The following PLCG2 variants were observed in gnomAD, a reference collection of about 807,000 sequenced individuals.
The protein encoded by PLCG2 is 1-phosphatidylinositol 4,5-bisphosphate phosphodiesterase gamma-2.
In PLCG2, 69 loss-of-function variants were observed where a neutral mutation model predicts 175.6. The observed-to-expected ratio is 0.39, with a 90% confidence interval of 0.32 to 0.48. The LOEUF (loss-of-function observed/expected upper bound fraction) is 0.48, where lower values mean the gene tolerates loss of function less well. Among genes scored for constraint, PLCG2 ranks in the 20% least tolerant of loss-of-function variants. The pLI, the probability that PLCG2 is intolerant of heterozygous loss-of-function variation, is 0.91. For missense variants in PLCG2, 1,798 were observed against 1,650.9 expected (o/e 1.09, Z -1.54); for synonymous variants, 827 against 624.0 (o/e 1.33, Z -4.85).
At chr16:81,773,870 C>T (rs762990902) in intron 2 of PLCG2, among the ~76,000 whole-genome samples, 27 of 152,100 alleles carry the variant, frequency 1.8e-4, no homozygotes, top group Non-Finnish European at 3.5e-4. Flanking sequence ...ACTCCAAAGC[C>T]CCCTTTTTGT....
chr16:81,752,869 C>T (rs909680190), intron 1 of PLCG2, among the ~76,000 whole-genome samples: 3 of 152,342 alleles, frequency 2.0e-5, no homozygotes, highest in Non-Finnish European at 2.9e-5. Context: ...CTATGAAAGA[C>T]GTGGCTCCAG....
At chr16:81,841,533 GC>G (rs1905831241) in intron 2 of PLCG2, among the ~76,000 whole-genome samples, 1 of 152,094 alleles carries the variant, frequency 6.6e-6, no homozygotes, top group South Asian at 2.1e-4. Flanking sequence ...GAACCACTGC[GC>G]CCGGCTGTAA....
intron 7 of PLCG2, among the ~76,000 whole-genome samples, chr16:81,875,543 T>C (rs1457236152): frequency 2.0e-5 from 3 of 152,188 alleles, no homozygotes; most frequent in African/African-American, 2.4e-5. Flanking sequence ...CCCCCATGTA[T>C]CATCAGCTGA....
At chr16:81,739,722 G>A (rs1217654413) in intron 1 of PLCG2, 1 of 152,280 alleles carries the variant, frequency 6.6e-6, no homozygotes, top group African/African-American at 2.4e-5. Flanking sequence ...CACCAACTGT[G>A]ACCTTGGGCA....
intron 2 of PLCG2, among the ~76,000 whole-genome samples, chr16:81,758,378 A>G (rs1256307277): frequency 6.6e-6 from 1 of 152,184 alleles, no homozygotes; most frequent in African/African-American, 2.4e-5. Context: ...TGGATAGATC[A>G]CATCTGGTTC....
Position 81,939,940 on chromosome 16 carries a change from C to G in PLCG2, c.3362C>G (p.Thr1121Arg). The G allele has an allele frequency of 6.2e-7, 1 of 1,613,918 alleles. No homozygotes were observed. Among genetic ancestry groups the G allele is most frequent in the Non-Finnish European group, 8.5e-7 (1 of 1,179,788 alleles). The change falls in exon 30 of 33, where the codon ACA (threonine) becomes AGA (arginine). Residue 1121 changes from threonine (T) to arginine (R), a missense_variant. Transcript: ENST00000564138. The part of the protein sequence containing the change: ...PIWAPTQEKV[T>R]FEIYDPNLAF... ...TGGGCTCCAACACAGGAGAAGGTGA[C>G]ATTTGAAATTTATGACCCAAACCTG...
At chr16:81,868,877 C>A (rs7196410) in intron 5 of PLCG2, among the ~76,000 whole-genome samples, 68,429 of 152,036 alleles carry the variant, frequency 0.45, 16,537 homozygotes, top group Non-Finnish European at 0.53. Context: ...GTGTAGGTGC[C>A]TCCTCATTGG....
intron 2 of PLCG2, among the ~76,000 whole-genome samples, chr16:81,815,195 C>T (rs7188227): frequency 2.6e-5 from 4 of 152,058 alleles, no homozygotes; most frequent in Non-Finnish European, 5.9e-5. Context: ...GGTGGTTATG[C>T]GAAGGGAGGA....
chr16:81,867,326 C>T (rs1052987382), intron 5 of PLCG2, among the ~76,000 whole-genome samples: 1 of 152,232 alleles, frequency 6.6e-6, no homozygotes, highest in African/African-American at 2.4e-5. Context: ...TGGCTCCAGC[C>T]AGAAGGGTCT....
At chr16:81,906,878 A>C (rs763395654) in intron 15 of PLCG2, among the ~76,000 whole-genome samples, 156 of 152,222 alleles carry the variant, frequency 1.0e-3, no homozygotes, top group Non-Finnish European at 1.8e-3. Flanking sequence ...TCTCTATTAA[A>C]ACTACAAAAA....
At chr16:81,793,612 G>A (rs1911335617) in intron 2 of PLCG2, among the ~76,000 whole-genome samples, 1 of 152,160 alleles carries the variant, frequency 6.6e-6, no homozygotes, top group Non-Finnish European at 1.5e-5. Flanking sequence ...CATGAGTGAC[G>A]GATTCTCAAA....
chr16:81,909,444 GT>G (rs1427178883), intron 17 of PLCG2, among the ~76,000 whole-genome samples: 2 of 152,192 alleles, frequency 1.3e-5, no homozygotes, highest in African/African-American at 4.8e-5. Flanking sequence ...TTGTGATAGG[GT>G]CTTGCTCTGT....
At chr16:81,781,048 A>AAC (rs564050259) in intron 1 of PLCG2, among the ~76,000 whole-genome samples, 1 of 151,582 alleles carries the variant, frequency 6.6e-6, no homozygotes, top group Non-Finnish European at 1.5e-5. Flanking sequence ...CAAACAAACA[A>AAC]ACACACACAA....
At position 81,934,657 on chromosome 16, in the gene PLCG2, C is replaced by T. The variant is rs79800996; in HGVS notation, c.2842+126C>T. The T allele has an allele frequency of 4.6e-4, 311 of 678,600 alleles. 1 individual carries two copies. The East Asian group carries it at 5.8e-3, about 13-fold the overall frequency. 42.0% of individuals were successfully genotyped at this position (678,600 alleles called of 1,614,324 possible). ...TCTTAACTACTCCCAGTAGATGGCC[C>T]CACCTTGGGTTTGTCCTCCGAGTGA... On this transcript the variant is annotated intron_variant, in intron 26 of 32. Transcript: ENST00000564138.
chr16:81,750,488 A>C (rs1236874367), intron 1 of PLCG2, among the ~76,000 whole-genome samples: 2 of 151,596 alleles, frequency 1.3e-5, no homozygotes, highest in African/African-American at 4.8e-5. Flanking sequence ...AAAAGATTTG[A>C]AATCAGTTTG....
intron 14 of PLCG2, among the ~76,000 whole-genome samples, chr16:81,904,870 G>A (rs1909299250): frequency 1.3e-5 from 2 of 152,044 alleles, no homozygotes; most frequent in Non-Finnish European, 2.9e-5. Context: ...GATAGGAAGG[G>A]GAGTGTGGGC....
chr16:81,851,466 G>C (rs187994351), intron 2 of PLCG2, among the ~76,000 whole-genome samples: 8 of 152,228 alleles, frequency 5.3e-5, no homozygotes, highest in African/African-American at 1.9e-4. Flanking sequence ...TGCACAGGAT[G>C]TAGATGACGT....
chr16:81,771,073 T>TAAAA lies in PLCG2; in HGVS notation c.-47-14867_-47-14866insAAAA, dbSNP rs1404409657. 3.8e-4 allele frequency among the ~76,000 whole-genome samples: 55 copies of TAAAA among 145,878 alleles called. 3 individuals carry two copies. The highest frequency in any genetic ancestry group is 4.1e-4 in the Non-Finnish European group (27 of 66,312). ...ACTCCATCTCAAAAAAAAAAAAAAA[T>TAAAA]AAATAAATAAATAAAAGGCCCAGAT... On this transcript the variant is annotated intron_variant, in intron 2 of 5. Coordinates refer to the PLCG2 transcript ENST00000565054.
chr16:81,763,453 C>T (rs532033302), intron 2 of PLCG2, among the ~76,000 whole-genome samples: 6 of 152,332 alleles, frequency 3.9e-5, no homozygotes, highest in East Asian at 1.9e-4. Flanking sequence ...GGGGCCATCT[C>T]CAAGGTGTCC....
Sources: gnomAD v4.1 joint callset for allele counts (sites outside exome capture counted in the v4.1 genomes callset) on GRCh38, gnomAD v4.1.1 for gene constraint, MANE v1.5 for transcripts, NCBI Gene and HGNC (gene_info 2026-07-23, HGNC 2026-07-21) for gene names.